The following WWOX variants were observed in gnomAD, a reference collection of about 807,000 sequenced individuals.
The protein encoded by WWOX is WW domain-containing oxidoreductase.
WWOX carries 69 observed loss-of-function variants against 46.2 expected under a neutral mutation model. The ratio of observed to expected loss-of-function variants is 1.49; its 90% CI spans 1.23 to 1.82. The LOEUF is 1.82. Among genes scored for constraint, WWOX ranks in the 40% most tolerant of loss-of-function variants. The pLI is 0.00. For synonymous variants in WWOX, 359 were observed against 202.6 expected (o/e 1.77, Z -6.56); for missense variants, 919 against 542.6 (o/e 1.69, Z -6.89).
chr16:78,402,096 A>C (rs182040809), intron 6 of WWOX, among the ~76,000 whole-genome samples: 3 of 152,232 alleles, frequency 2.0e-5, no homozygotes, highest in African/African-American at 4.8e-5. Flanking sequence ...CAATTTCATC[A>C]CTCCAAAAAG....
intron 8 of WWOX, among the ~76,000 whole-genome samples, chr16:78,667,773 C>G (rs2047367313): frequency 6.6e-6 from 1 of 151,662 alleles, no homozygotes; most frequent in Non-Finnish European, 1.5e-5. Flanking sequence ...TTTGAGAGCT[C>G]TCTCCTTTGT....
At chr16:78,771,208 T>G (rs2050056246) in intron 8 of WWOX, among the ~76,000 whole-genome samples, 1 of 152,202 alleles carries the variant, frequency 6.6e-6, no homozygotes, top group African/African-American at 2.4e-5. Flanking sequence ...CGGAACTGAC[T>G]TACTCTTTGA....
intron 8 of WWOX, among the ~76,000 whole-genome samples, chr16:78,746,659 A>C (rs949034214): frequency 6.6e-6 from 1 of 151,794 alleles, no homozygotes; most frequent in Non-Finnish European, 1.5e-5. Context: ...ATGTGCTTGC[A>C]TGATTGGCTT....
At chr16:78,261,770 A>G (rs1303098258) in intron 5 of WWOX, among the ~76,000 whole-genome samples, 1 of 132,594 alleles carries the variant, frequency 7.5e-6, no homozygotes, top group Non-Finnish European at 1.6e-5. Flanking sequence ...CTATCTATCT[A>G]TGTATCTATC....
intron 8 of WWOX, chr16:79,089,975 G>C (rs990932755): frequency 6.7e-6 from 1 of 148,584 alleles, no homozygotes; most frequent in South Asian, 2.1e-4. Flanking sequence ...AAAAAAAAAG[G>C]GGGGGCCGGC....
At chr16:78,536,433 A>C (rs1222240193) in intron 8 of WWOX, among the ~76,000 whole-genome samples, 1 of 151,630 alleles carries the variant, frequency 6.6e-6, no homozygotes, top group Non-Finnish European at 1.5e-5. Flanking sequence ...CTGGCCGACA[A>C]GGCAGGCTGA....
chr16:79,006,223 A>G (rs543421733), intron 8 of WWOX, among the ~76,000 whole-genome samples: 1 of 152,310 alleles, frequency 6.6e-6, no homozygotes, highest in South Asian at 2.1e-4. Flanking sequence ...CCAGTCTTTA[A>G]GGATAAGTGG....
chr16:78,505,717 A>G (rs2085182805), intron 8 of WWOX, among the ~76,000 whole-genome samples: 1 of 135,964 alleles, frequency 7.4e-6, no homozygotes, highest in African/African-American at 3.8e-5. Context: ...TCCCTAGCAC[A>G]GGGAGCATGC....
intron 8 of WWOX, among the ~76,000 whole-genome samples, chr16:78,935,841 G>A (rs910061718): frequency 6.6e-6 from 1 of 152,076 alleles, no homozygotes; most frequent in Non-Finnish European, 1.5e-5. Flanking sequence ...CAGCTCAGGT[G>A]GTAGAGGCTG....
chr16:78,512,601 T>C (rs2085388006), intron 8 of WWOX, among the ~76,000 whole-genome samples: 1 of 152,232 alleles, frequency 6.6e-6, no homozygotes, highest in Non-Finnish European at 1.5e-5. Flanking sequence ...CAAATAGGAC[T>C]TGAGTCCCCT....
chr16:78,778,824 C>A (rs879818657), intron 8 of WWOX, among the ~76,000 whole-genome samples: 1 of 152,158 alleles, frequency 6.6e-6, no homozygotes, highest in Non-Finnish European at 1.5e-5. Flanking sequence ...CTGTGTTCGC[C>A]AGCTCGTAAA....
intron 8 of WWOX, among the ~76,000 whole-genome samples, chr16:78,750,796 T>C (rs1008328045): frequency 2.0e-5 from 3 of 152,178 alleles, no homozygotes; most frequent in Admixed American, 2.0e-4. Flanking sequence ...CTTCAAGCTG[T>C]ATCCACGTTG....
intron 6 of WWOX, among the ~76,000 whole-genome samples, chr16:78,422,698 C>CATATATATATAT (rs1187080221): frequency 0.058 from 2,240 of 38,498 alleles, 111 homozygotes; most frequent in South Asian, 0.11. Context: ...CACACACACA[C>CATATATATATAT]ACATATATAT....
rs1215933360 is a variant in WWOX at position 78,348,661 on chromosome 16, T to C, written c.517-38199T>C. 3.3e-5 allele frequency among the ~76,000 whole-genome samples: 4 copies of C among 119,634 alleles called. 1 individual carries two copies. Among genetic ancestry groups the C allele is most frequent in the Middle Eastern group, 4.1e-3 (1 of 242 alleles). The allele number at this position is 119,634 out of a possible 152,430, so 78.5% of individuals were successfully genotyped here. A position where few individuals can be genotyped will look rare whatever the true frequency, so the allele number is the denominator to read the frequency against. ...TCTGTAGAGACGGGCTTTCCCCATG[T>C]TGCCCAGGCTGGTCTCTAACTCCTG... On this transcript the variant is annotated intron_variant, in intron 5 of 8. Transcript: ENST00000566780.
At chr16:78,548,912 G>T (rs943851608) in intron 8 of WWOX, among the ~76,000 whole-genome samples, 2 of 152,006 alleles carry the variant, frequency 1.3e-5, no homozygotes, top group Admixed American at 6.6e-5. Flanking sequence ...TTGTAAAGAA[G>T]GTTTCTATCT....
intron 8 of WWOX, among the ~76,000 whole-genome samples, chr16:78,687,700 A>G (rs1030719883): frequency 6.6e-6 from 1 of 152,242 alleles, no homozygotes; most frequent in Non-Finnish European, 1.5e-5. Flanking sequence ...TAGCTCAATT[A>G]GATCTAACTT....
intron 8 of WWOX, among the ~76,000 whole-genome samples, chr16:78,708,055 G>A (rs1257884276): frequency 1.3e-5 from 2 of 151,858 alleles, no homozygotes; most frequent in Non-Finnish European, 2.9e-5. Flanking sequence ...GCCTGTTACA[G>A]TGGCTCACAC....
chr16:79,028,595 A>G (rs904485551), intron 8 of WWOX, among the ~76,000 whole-genome samples: 2 of 151,442 alleles, frequency 1.3e-5, no homozygotes, highest in Non-Finnish European at 2.9e-5. Flanking sequence ...CAGCTTAACT[A>G]AAATTTTCTG....
chr16:78,573,025 C>A (rs896114021), intron 8 of WWOX, among the ~76,000 whole-genome samples: 4 of 152,330 alleles, frequency 2.6e-5, no homozygotes, highest in African/African-American at 9.6e-5. Context: ...CGGTGGCTCA[C>A]GCCTGTAATC....
Sources: allele counts gnomAD v4.1 joint callset (sites outside exome capture counted in the v4.1 genomes callset), GRCh38; gene constraint gnomAD v4.1.1; transcripts MANE v1.5; gene names NCBI Gene and HGNC (gene_info 2026-07-23, HGNC 2026-07-21).